The following SMC1B variants were observed in gnomAD, a reference collection of about 807,000 sequenced individuals.
The protein encoded by SMC1B is structural maintenance of chromosomes protein 1B.
SMC1B carries 60 observed loss-of-function variants against 157.9 expected under a neutral mutation model. That is an observed-to-expected ratio of 0.38 (90% CI 0.31 to 0.47). The LOEUF (loss-of-function observed/expected upper bound fraction) is 0.47, where lower values mean the gene tolerates loss of function less well. SMC1B is among the 20% of genes least tolerant of loss of function. SMC1B has a pLI of 0.99. For missense variants in SMC1B, 1,165 were observed against 1,426.2 expected (o/e 0.82, Z 2.95); for synonymous variants, 445 against 483.0 (o/e 0.92, Z 1.03).
At chr22:45,361,439 C>G (rs1338231170) in intron 17 of SMC1B, among the ~76,000 whole-genome samples, 1 of 148,248 alleles carries the variant, frequency 6.7e-6, no homozygotes, top group Non-Finnish European at 1.5e-5. Context: ...ATGGTAAAAC[C>G]CTGTCTCTAC....
intron 10 of SMC1B, among the ~76,000 whole-genome samples, chr22:45,388,030 CA>C (rs136593): frequency 1.3e-4 from 19 of 144,578 alleles, no homozygotes; most frequent in Admixed American, 2.8e-4. Context: ...GAGCCTCTGT[CA>C]AAAAAAAAAA....
intron 5 of SMC1B, among the ~76,000 whole-genome samples, chr22:45,400,029 A>G (rs1447326734): frequency 1.3e-5 from 2 of 152,240 alleles, no homozygotes; most frequent in African/African-American, 2.4e-5. Context: ...ATTGGGAGAC[A>G]TCAATATGAA....
intron 12 of SMC1B, among the ~76,000 whole-genome samples, chr22:45,377,790 C>T (rs2086897567): frequency 1.3e-5 from 2 of 152,036 alleles, no homozygotes; most frequent in African/African-American, 2.4e-5. Flanking sequence ...CCTGCCTTGG[C>T]TTCCCAAAGT....
chr22:45,366,982 ATC>A (rs549967817), intron 15 of SMC1B, among the ~76,000 whole-genome samples: 17 of 152,136 alleles, frequency 1.1e-4, no homozygotes, highest in African/African-American at 3.9e-4. Context: ...CAGCATTTCA[ATC>A]TCTTTGTTAA....
intron 11 of SMC1B, 52 bp from the exon 12 acceptor site, chr22:45,383,665 T>G: frequency 6.8e-7 from 1 of 1,461,746 alleles, no homozygotes; most frequent in Non-Finnish European, 9.2e-7. Context: ...AAGATACAAA[T>G]AAAGACACAA....
chr22:45,350,106 A>G (rs1449600676), intron 22 of SMC1B, among the ~76,000 whole-genome samples: 1 of 152,138 alleles, frequency 6.6e-6, no homozygotes, highest in Non-Finnish European at 1.5e-5. Flanking sequence ...TCATCTCTCC[A>G]ACTTTGGATG....
At chr22:45,353,646 T>A (rs2086637068) in intron 21 of SMC1B, among the ~76,000 whole-genome samples, 1 of 151,992 alleles carries the variant, frequency 6.6e-6, no homozygotes, top group Non-Finnish European at 1.5e-5. Flanking sequence ...AAACCAACAG[T>A]TCTATAAAAT....
intron 20 of SMC1B, 132 bp downstream of exon 20, chr22:45,354,827 C>A: frequency 1.4e-6 from 1 of 719,044 alleles, no homozygotes; most frequent in Non-Finnish European, 2.3e-6. Context: ...ATTAAAAGCA[C>A]ACATTAATAT....
chr22:45,375,097 C>T (rs879754147), intron 12 of SMC1B, among the ~76,000 whole-genome samples: 1 of 152,190 alleles, frequency 6.6e-6, no homozygotes, highest in Non-Finnish European at 1.5e-5. Flanking sequence ...TTAGAGGAAA[C>T]CTGCCTCCTA....
intron 12 of SMC1B, among the ~76,000 whole-genome samples, chr22:45,373,685 T>C (rs953640887): frequency 4.6e-5 from 7 of 152,234 alleles, no homozygotes; most frequent in African/African-American, 1.2e-4. Flanking sequence ...CAAGGACAAC[T>C]TGGAGGTTAG....
rs569963609 is a variant in SMC1B, at chr22:45,396,402, G to T, written c.1198C>A (p.Gln400Lys). The change falls in exon 7 of 25, where the codon CAG (glutamine) becomes AAG (lysine). Residue 400 changes from glutamine (Q) to lysine (K), a missense_variant. Physicochemically the swap from Gln to Lys is moderately conservative, Grantham distance 53. Transcript: ENST00000357450. ...TQQLEKLQWE[Q>K]KTDEERLAFE... ...GCCAGTCTTTCTTCATCTGTCTTCT[G>T]TTCCCACTGCAGTTTTTCCAGTTGT... is the stretch of plus-strand genomic sequence containing the variant. 2.5e-6 allele frequency: 4 copies of T among 1,612,518 alleles called. No individual in the cohort carries two copies. The East Asian group carries it at 8.9e-5, about 36-fold the overall frequency.
chr22:45,376,293 G>T (rs114074260), intron 12 of SMC1B, among the ~76,000 whole-genome samples: 170 of 152,182 alleles, frequency 1.1e-3, no homozygotes, highest in African/African-American at 3.8e-3. Context: ...ACTACTCTAG[G>T]TACCTCATGT....
chr22:45,347,681 T>C (rs1322300317), intron 23 of SMC1B, among the ~76,000 whole-genome samples: 2 of 152,240 alleles, frequency 1.3e-5, no homozygotes, highest in East Asian at 1.9e-4. Flanking sequence ...CTCGAAGTCC[T>C]GAGCTCAAGT....
At chr22:45,411,600 T>C (rs1051583314) in intron 1 of SMC1B, among the ~76,000 whole-genome samples, 1 of 152,232 alleles carries the variant, frequency 6.6e-6, no homozygotes, top group Non-Finnish European at 1.5e-5. Flanking sequence ...TTATTTATTT[T>C]TGAGATGCAG....
At chr22:45,392,841 T>C (rs1602085736) in intron 9 of SMC1B, among the ~76,000 whole-genome samples, 1 of 152,138 alleles carries the variant, frequency 6.6e-6, no homozygotes, top group African/African-American at 2.4e-5. Flanking sequence ...GCTGGTATTA[T>C]AGGCGCCTGC....
Position 45,399,121 on chromosome 22 carries a change from G to C in SMC1B, c.1087C>G (p.Arg363Gly). Residue 363 changes from arginine to glycine, a missense_variant, in exon 6 of 25, where the codon CGA becomes GGA. Transcript: ENST00000357450. ...TGACTGGCTTCCAGTTCAATGTCTC[G>C]CTTTTTATGTAAAATTTCTTCCTCA... is the stretch of plus-strand genomic sequence containing the variant. Reference protein sequence around the residue: ...QIEEEILHKKRDIELEASQLD... With the variant: ...QIEEEILHKKGDIELEASQLD... 1.2e-6 allele frequency: 2 copies of C among 1,613,164 alleles called. No homozygotes were observed. The highest frequency in any genetic ancestry group is 2.2e-5 in the South Asian group (2 of 90,884).
chr22:45,412,611 A>G (rs1044767650), intron 1 of SMC1B, among the ~76,000 whole-genome samples: 8 of 143,308 alleles, frequency 5.6e-5, no homozygotes, highest in Non-Finnish European at 1.0e-4. Flanking sequence ...GGTTCAAGCG[A>G]TTCTCCCGCC....
Position 45,369,983 on chromosome 22 carries a change from A to T in SMC1B, c.2391T>A (p.Val797=). 1 of 1,595,426 alleles carries T rather than the reference A, an allele frequency of 6.3e-7. No homozygotes were observed. The highest frequency in any genetic ancestry group is 8.5e-7 in the Non-Finnish European group (1 of 1,169,712). ...TTTGATCAATTTCTTGTTGCCGTTTAACATGTTTGTTCTCAAATTCACGAA... is the reference window on the plus strand; with the variant it reads ...TTTGATCAATTTCTTGTTGCCGTTTTACATGTTTGTTCTCAAATTCACGAA... ...ENIREFENKH[V]KRQQEIDQKR... The change falls in exon 15 of 25, where the codon GTT becomes GTA. Residue 797 remains valine (V), a synonymous_variant. Coordinates refer to ENST00000357450, the MANE Select transcript of SMC1B (RefSeq NM_148674.5).
At chr22:45,404,736 T>A (rs890787717) in intron 4 of SMC1B, among the ~76,000 whole-genome samples, 1 of 152,184 alleles carries the variant, frequency 6.6e-6, no homozygotes, top group Non-Finnish European at 1.5e-5. Flanking sequence ...GCAACATACA[T>A]CTTACAAGTA....
Sources: gnomAD v4.1 joint callset for allele counts (sites outside exome capture counted in the v4.1 genomes callset) on GRCh38, gnomAD v4.1.1 for gene constraint, MANE v1.5 for transcripts, NCBI Gene and HGNC (gene_info 2026-07-23, HGNC 2026-07-21) for gene names.